DICER1: variants seen among roughly 807,000 people sequenced by gnomAD.
DICER1 encodes the protein dicer 1, ribonuclease III.
In DICER1, 43 loss-of-function variants were observed where a neutral mutation model predicts 194.1. The observed-to-expected ratio is 0.22, with a 90% confidence interval of 0.17 to 0.29. DICER1 has a LOEUF of 0.29. DICER1 is among the 10% of genes least tolerant of loss of function. The pLI, the probability that DICER1 is intolerant of heterozygous loss-of-function variation, is 1.00. For synonymous variants in DICER1, 832 were observed against 820.5 expected (o/e 1.01, Z -0.24); for missense variants, 1,608 against 2,317.0 (o/e 0.69, Z 6.28).
chr14:95,116,590 A>C lies in DICER1; in HGVS notation c.1615T>G (p.Leu539Val). ...ACATAGGATCGATATTCTGTGGGCAAATCAAAACGAACCACCAAGTTGCAT... is the reference window on the plus strand; with the variant it reads ...ACATAGGATCGATATTCTGTGGGCACATCAAAACGAACCACCAAGTTGCAT... ...PKCNLVVRFD[L>V]PTEYRSYVQS... Residue 539 changes from leucine (L) to valine (V), a missense_variant, in exon 10 of 27, where the codon TTG becomes GTG. Physicochemically the swap from Leu to Val is conservative, Grantham distance 32 (BLOSUM62 1). Coordinates refer to ENST00000343455, the MANE Select transcript of DICER1 (RefSeq NM_177438.3). The C allele has an allele frequency of 6.2e-7, 1 of 1,614,136 alleles. No homozygotes were observed. Among genetic ancestry groups the C allele is most frequent in the Non-Finnish European group, 8.5e-7 (1 of 1,180,004 alleles).
chr14:95,108,809 T>C (rs1179178781), intron 14 of DICER1, among the ~76,000 whole-genome samples: 1 of 152,230 alleles, frequency 6.6e-6, no homozygotes, highest in East Asian at 1.9e-4. Context: ...ATACTATTCA[T>C]TTGATCTATT....
chr14:95,155,659 A>G (rs975196052), intron 1 of DICER1, among the ~76,000 whole-genome samples: 4 of 152,228 alleles, frequency 2.6e-5, no homozygotes, highest in African/African-American at 9.6e-5. Flanking sequence ...GCCCTTACTA[A>G]AAAGGATTGT....
In DICER1 at chr14:95,157,475, G is replaced by A. The variant is rs531286635; in HGVS notation, c.-291C>T. On this transcript the variant is annotated 5_prime_UTR_variant, in exon 1 of 27. Coordinates refer to ENST00000343455, the MANE Select transcript of DICER1 (RefSeq NM_177438.3). ...GAGACTGCGCAGCGCCCGGCTGGCC[G>A]GCAGCCAGCGCACGGCCCGCGGCAA... 189 of 152,446 alleles carry A rather than the reference G, an allele frequency of 1.2e-3. 1 individual carries two copies. The highest frequency in any genetic ancestry group is 2.4e-3 in the Non-Finnish European group (162 of 68,234). The allele number at this position is 152,446 out of a possible 1,614,324, so 9.4% of individuals were successfully genotyped here. A position where few individuals can be genotyped will look rare whatever the true frequency, so the allele number is the denominator to read the frequency against.
At chr14:95,132,383 A>C (rs186841911) in intron 3 of DICER1, 132 bp downstream of exon 3, 4 of 971,836 alleles carry the variant, frequency 4.1e-6, no homozygotes, top group Admixed American at 3.7e-5. Flanking sequence ...TTTCTGCCAG[A>C]AGAGATTAAA....
At chr14:95,145,543 AAG>A (rs1895077396) in intron 1 of DICER1, among the ~76,000 whole-genome samples, 1 of 152,206 alleles carries the variant, frequency 6.6e-6, no homozygotes, top group Non-Finnish European at 1.5e-5. Flanking sequence ...AAATATAAAA[AAG>A]AAATCAAAAG....
intron 23 of DICER1, among the ~76,000 whole-genome samples, chr14:95,094,583 G>A (rs111923035): frequency 1.8e-3 from 275 of 152,268 alleles, no homozygotes; most frequent in Admixed American, 2.6e-3. Context: ...TGCTGCCATC[G>A]CTAAAGTCTC....
intron 22 of DICER1, 120 bp from the exon 23 acceptor site, chr14:95,096,833 G>A: frequency 2.5e-6 from 3 of 1,189,156 alleles, no homozygotes; most frequent in South Asian, 1.8e-5. Flanking sequence ...ATACTAAAAG[G>A]CAACTTTAAA....
At chr14:95,112,786 T>C (rs957402293) in intron 12 of DICER1, among the ~76,000 whole-genome samples, 1 of 152,248 alleles carries the variant, frequency 6.6e-6, no homozygotes, top group Non-Finnish European at 1.5e-5. Flanking sequence ...CTGTCAAAAA[T>C]GTGCATGTTA....
chr14:95,102,177 T>C (rs549706296), intron 21 of DICER1, among the ~76,000 whole-genome samples: 24 of 152,302 alleles, frequency 1.6e-4, no homozygotes, highest in Admixed American at 4.6e-4. Flanking sequence ...AATTGTTAGC[T>C]AAAATTATTT....
chr14:95,117,833 T>C (rs1232303956), intron 8 of DICER1, 79 bp from the exon 9 acceptor site: 1 of 1,381,644 alleles, frequency 7.2e-7, no homozygotes, highest in South Asian at 1.2e-5. Flanking sequence ...TCCTTTAAAA[T>C]GGAAGTACAT....
chr14:95,100,680 G>T (rs541982041), intron 21 of DICER1, among the ~76,000 whole-genome samples: 1 of 152,126 alleles, frequency 6.6e-6, no homozygotes, highest in South Asian at 2.1e-4. Context: ...TGGAAACTAG[G>T]GTCTAGAATT....
intron 7 of DICER1, among the ~76,000 whole-genome samples, chr14:95,125,930 C>T (rs780179488): frequency 6.6e-6 from 1 of 152,078 alleles, no homozygotes; most frequent in Non-Finnish European, 1.5e-5. Context: ...GTGGGCACTG[C>T]TGCTCGAGAA....
chr14:95,134,974 T>C (rs888480588), intron 1 of DICER1, among the ~76,000 whole-genome samples: 4 of 152,192 alleles, frequency 2.6e-5, no homozygotes, highest in African/African-American at 7.2e-5. Flanking sequence ...TACCCAAGCC[T>C]AGTACCCACT....
At chr14:95,104,655 A>C (rs1891247558) in intron 20 of DICER1, among the ~76,000 whole-genome samples, 2 of 152,234 alleles carry the variant, frequency 1.3e-5, no homozygotes, top group African/African-American at 4.8e-5. Flanking sequence ...AATCCCTAGA[A>C]CAGTCTTGAT....
intron 6 of DICER1, among the ~76,000 whole-genome samples, chr14:95,127,995 T>C (rs773657236): frequency 1.3e-5 from 2 of 152,348 alleles, no homozygotes; most frequent in East Asian, 3.9e-4. Flanking sequence ...TCCATATCTG[T>C]GTGAATTTTT....
Position 95,105,576 on chromosome 14 carries a change from G to T in DICER1, c.3093+102C>A. 1 of 936,182 alleles carries T rather than the reference G, an allele frequency of 1.1e-6. No homozygotes were observed. The highest frequency in any genetic ancestry group is 1.4e-5 in the South Asian group (1 of 69,846). 58.0% of individuals were successfully genotyped at this position (936,182 alleles called of 1,614,324 possible). A position where few individuals can be genotyped will look rare whatever the true frequency, so the allele number is the denominator to read the frequency against. On this transcript the variant is annotated intron_variant, in intron 19 of 26. Transcript: ENST00000343455. The surrounding 1 kb of genome is among the most constrained non-coding windows in gnomAD (Gnocchi z 4.9). ...ATTAGGTAACTTCTAAAAAATTAAC[G>T]AATCATGCATTTAACTTGGTAAGAT...
chr14:95,148,016 C>T (rs1895252484), intron 1 of DICER1, among the ~76,000 whole-genome samples: 1 of 152,228 alleles, frequency 6.6e-6, no homozygotes. Flanking sequence ...CTGGTCAACA[C>T]AGCGAGAGTC....
chr14:95,104,068 T>C lies in DICER1; in HGVS notation c.3328A>G (p.Ile1110Val), dbSNP rs1566769439. ...KSIDSKSFIS[I>V]SNSSSAENDN... ...TTTTCAGCTGAAGAGGAGTTAGAAA[T>C]TGAGATGAAAGATTTGCTGTCAATA... Residue 1110 changes from isoleucine (I) to valine (V), a missense_variant, in exon 21 of 27, where the codon ATT (isoleucine) becomes GTT (valine). By Grantham distance (29) the Ile-to-Val change is conservative. Transcript: ENST00000343455. 7 of 1,614,038 alleles carry C rather than the reference T, an allele frequency of 4.3e-6. No individual in the cohort carries two copies. The highest frequency in any genetic ancestry group is 2.2e-5 in the East Asian group (1 of 44,880).
At chr14:95,156,024 C>T (rs1392959323) in intron 1 of DICER1, among the ~76,000 whole-genome samples, 1 of 152,156 alleles carries the variant, frequency 6.6e-6, no homozygotes, top group Non-Finnish European at 1.5e-5. Flanking sequence ...TTCTCTAGGA[C>T]CTGGCTTATC....
Sources: gnomAD v4.1 joint callset for allele counts (sites outside exome capture counted in the v4.1 genomes callset) on GRCh38, gnomAD v4.1.1 for gene constraint, Gnocchi (gnomAD v3.1) non-coding constraint, MANE v1.5 for transcripts, NCBI Gene and HGNC (gene_info 2026-07-23, HGNC 2026-07-21) for gene names.